ANO2: variants seen among roughly 807,000 people sequenced by gnomAD.
ANO2 encodes the protein anoctamin 2.
A neutral mutation model predicts 124.2 loss-of-function variants in ANO2; 101 were observed. That is an observed-to-expected ratio of 0.81 (90% confidence interval 0.69 to 0.96). The LOEUF is 0.96. Among genes scored for constraint, ANO2 ranks in the 40% least tolerant of loss-of-function variants. The pLI, the probability that ANO2 is intolerant of heterozygous loss-of-function variation, is 0.00. For missense variants in ANO2, 1,293 were observed against 1,274.5 expected (o/e 1.01, Z -0.22); for synonymous variants, 486 against 482.5 (o/e 1.01, Z -0.09).
intron 20 of ANO2, among the ~76,000 whole-genome samples, chr12:5,587,156 C>T (rs552907183): frequency 2.0e-5 from 3 of 152,212 alleles, no homozygotes; most frequent in Non-Finnish European, 2.9e-5. Context: ...ATTCATAGAG[C>T]ACTTACTGTA....
intron 4 of ANO2, among the ~76,000 whole-genome samples, chr12:5,836,063 A>C (rs1021163062): frequency 1.6e-5 from 1 of 60,720 alleles, no homozygotes; most frequent in African/African-American, 4.8e-5. Context: ...TTTCAATGGC[A>C]GATTTGGACC....
rs116055403 is a variant in ANO2, at chr12:5,795,508, C to T, written c.1055+3999G>A. Among the ~76,000 whole-genome samples the T allele has an allele frequency of 5.5e-3, 833 of 152,312 alleles. 10 individuals carry two copies. Among genetic ancestry groups the T allele is most frequent in the African/African-American group, 0.019 (803 of 41,570 alleles). ...CCCCATCCATTATCCCCTTGGTGAA[C>T]TCCCACAAGTCAACAGGCTGCAATC... On this transcript the variant is annotated intron_variant, in intron 10 of 24. Coordinates refer to ENST00000682330, the MANE Select transcript of ANO2 (RefSeq NM_001364791.2).
intron 17 of ANO2, among the ~76,000 whole-genome samples, chr12:5,614,577 T>C (rs527349562): frequency 1.3e-5 from 2 of 152,246 alleles, no homozygotes; most frequent in South Asian, 4.1e-4. Flanking sequence ...TGGCTCTATA[T>C]GTCTCTTCCA....
intron 16 of ANO2, among the ~76,000 whole-genome samples, chr12:5,621,493 T>G (rs1591756193): frequency 6.6e-6 from 1 of 150,544 alleles, no homozygotes; most frequent in Admixed American, 6.6e-5. Flanking sequence ...GGTGCTGGAG[T>G]TGGAGGCAGG....
intron 14 of ANO2, among the ~76,000 whole-genome samples, chr12:5,673,955 C>T (rs1948122229): frequency 6.6e-6 from 1 of 152,170 alleles, no homozygotes; most frequent in Non-Finnish European, 1.5e-5. Context: ...GAGAAGTCCT[C>T]TTCCAGGACC....
rs148136119 is a variant in ANO2 at position 5,680,618 on chromosome 12, G to A, written c.1546-32817C>T. On this transcript the variant is annotated intron_variant, in intron 14 of 24. Coordinates refer to ENST00000682330, the MANE Select transcript of ANO2 (RefSeq NM_001364791.2). Reference sequence around the variant, plus strand: ...GCTCCCTGATCAAAAGGGGGAACAAGCTGCATTATAAAGTAGTGAATTCGA... The same window carrying A: ...GCTCCCTGATCAAAAGGGGGAACAAACTGCATTATAAAGTAGTGAATTCGA... Among the ~76,000 whole-genome samples the A allele has an allele frequency of 5.0e-4, 76 of 152,298 alleles. 1 individual carries two copies. In the South Asian group the frequency reaches 7.7e-3, roughly 15 times the overall value.
intron 20 of ANO2, among the ~76,000 whole-genome samples, chr12:5,587,361 C>CA (rs1357283578): frequency 2.0e-5 from 3 of 152,114 alleles, no homozygotes; most frequent in Non-Finnish European, 2.9e-5. Flanking sequence ...TGGGACTTGT[C>CA]ACTAAACTCT....
At position 5,658,181 on chromosome 12, in the gene ANO2, C is replaced by A. The variant is rs376386696; in HGVS notation, c.1546-10380G>T. Among the ~76,000 whole-genome samples, 16 of 152,242 alleles carry A rather than the reference C, an allele frequency of 1.1e-4. 1 individual carries two copies. In the South Asian group the frequency reaches 1.5e-3, roughly 14 times the overall value. ...GCCTGGGTTCAATTCCCAGCTTGCACGCTAATTGAACGTGTGACTTCAGGC... is the reference window on the plus strand; with the variant it reads ...GCCTGGGTTCAATTCCCAGCTTGCAAGCTAATTGAACGTGTGACTTCAGGC... On this transcript the variant is annotated intron_variant, in intron 14 of 24. Transcript: ENST00000682330. The surrounding 1 kb of genome is among the most constrained non-coding windows in gnomAD (Gnocchi z 4.3).
chr12:5,806,669 T>C (rs1345931988), intron 8 of ANO2, among the ~76,000 whole-genome samples: 2 of 152,212 alleles, frequency 1.3e-5, no homozygotes, highest in Non-Finnish European at 2.9e-5. Context: ...AGAATACCAT[T>C]GCATTGTATC....
intron 1 of ANO2, among the ~76,000 whole-genome samples, chr12:5,938,633 C>T (rs1191478000): frequency 1.3e-5 from 2 of 151,946 alleles, no homozygotes; most frequent in Non-Finnish European, 2.9e-5. Flanking sequence ...CCAGCCTGGC[C>T]AACATGGTGA....
intron 10 of ANO2, among the ~76,000 whole-genome samples, chr12:5,776,340 C>T (rs906565140): frequency 1.3e-5 from 2 of 152,184 alleles, no homozygotes; most frequent in African/African-American, 2.4e-5. Context: ...ACCAGGTCTT[C>T]GGCTACCATT....
At chr12:5,877,442 G>C (rs1256808411) in intron 3 of ANO2, among the ~76,000 whole-genome samples, 1 of 152,202 alleles carries the variant, frequency 6.6e-6, no homozygotes, top group Non-Finnish European at 1.5e-5. Flanking sequence ...AGTCTTAAGA[G>C]AGTTAGCAAC....
chr12:5,896,017 T>C lies in ANO2; in HGVS notation c.534+25023A>G, dbSNP rs541089260. Among the ~76,000 whole-genome samples, 17 of 152,246 alleles carry C rather than the reference T, an allele frequency of 1.1e-4. No homozygotes were observed. In the East Asian group the frequency reaches 3.1e-3, roughly 28 times the overall value. ...TGGAGCTGGAGGCCATTATTCTAAG[T>C]GAAGTAACTCAGGAATGGAAAACCA... On this transcript the variant is annotated intron_variant, in intron 3 of 24. Coordinates refer to ENST00000682330, the MANE Select transcript of ANO2 (RefSeq NM_001364791.2).
At chr12:5,573,676 T>C (rs1942250262) in intron 23 of ANO2, among the ~76,000 whole-genome samples, 1 of 152,232 alleles carries the variant, frequency 6.6e-6, no homozygotes, top group Non-Finnish European at 1.5e-5. Context: ...GATTTTAGTA[T>C]GAGAGTCAGA....
rs138163094 is a variant in ANO2, at chr12:5,706,576, C to A, written c.1545+25944G>T. On this transcript the variant is annotated intron_variant, in intron 14 of 24. Transcript: ENST00000682330. ...GTATTGCCTTTCCCTCCAGCCACTGCCCCATTTCTCTCTGTCCCCTTACTT... is the reference window on the plus strand; with the variant it reads ...GTATTGCCTTTCCCTCCAGCCACTGACCCATTTCTCTCTGTCCCCTTACTT... Among the ~76,000 whole-genome samples the A allele has an allele frequency of 1.7e-3, 257 of 152,300 alleles. 1 individual carries two copies. The highest frequency in any genetic ancestry group is 6.0e-3 in the African/African-American group (250 of 41,560).
chr12:5,589,281 G>GAGT (rs1485692436), intron 20 of ANO2, among the ~76,000 whole-genome samples: 1 of 152,144 alleles, frequency 6.6e-6, no homozygotes, highest in Non-Finnish European at 1.5e-5. Context: ...CGCTAGAAAG[G>GAGT]AGTGCCTAAT....
At chr12:5,937,364 A>G (rs1942692642) in intron 1 of ANO2, among the ~76,000 whole-genome samples, 1 of 152,176 alleles carries the variant, frequency 6.6e-6, no homozygotes, top group African/African-American at 2.4e-5. Flanking sequence ...TCTTCTTTGG[A>G]GAAATGTCTA....
rs376402582 is a variant in ANO2, at chr12:5,744,437, G to T, written c.1191-120C>A. 99 of 1,071,766 alleles carry T rather than the reference G, an allele frequency of 9.2e-5. No individual in the cohort carries two copies. The East Asian group carries it at 1.8e-3, about 19-fold the overall frequency. 66.4% of individuals were successfully genotyped at this position (1,071,766 alleles called of 1,614,324 possible). On this transcript the variant is annotated intron_variant, in intron 11 of 24. Transcript: ENST00000682330. Reference sequence around the variant, plus strand: ...ATGGTTGAGTTTTTCAACTCCATAAGTAAGGAATGTTAAAGAAGTTAGCAT... The same window carrying T: ...ATGGTTGAGTTTTTCAACTCCATAATTAAGGAATGTTAAAGAAGTTAGCAT...
In ANO2 at chr12:5,861,409, G is replaced by A. The variant is rs147861394; in HGVS notation, c.535-7268C>T. Among the ~76,000 whole-genome samples the A allele has an allele frequency of 5.4e-3, 818 of 152,302 alleles. 9 individuals carry two copies. The highest frequency in any genetic ancestry group is 0.019 in the African/African-American group (777 of 41,570). On this transcript the variant is annotated intron_variant, in intron 3 of 24. Transcript: ENST00000682330. ...AGGCCCCTAGCAGGGACTGGAGGTC[G>A]CGCTCCTGGTGAAGTTATCCTCATT...
Sources: allele counts gnomAD v4.1 joint callset (sites outside exome capture counted in the v4.1 genomes callset), GRCh38; gene constraint gnomAD v4.1.1; non-coding constraint Gnocchi (gnomAD v3.1); transcripts MANE v1.5; gene names NCBI Gene and HGNC (gene_info 2026-07-23, HGNC 2026-07-21).